Variants in ERI1 observed in about 807,000 individuals in gnomAD.
ERI1 encodes exoribonuclease 1.
A neutral mutation model predicts 39.7 loss-of-function variants in ERI1; 39 were observed. The observed-to-expected ratio is 0.98, with a 90% CI of 0.76 to 1.28. ERI1 has a LOEUF of 1.28. Among genes scored for constraint, ERI1 ranks in the 50% most tolerant of loss-of-function variants. ERI1 has a pLI of 0.00. For missense variants in ERI1, 581 were observed against 416.9 expected, an observed-to-expected ratio of 1.39 and a Z score of -3.43; for synonymous variants, 204 against 149.6, an observed-to-expected ratio of 1.36 and a Z score of -2.65.
At position 9,029,849 on chromosome 8, in the gene ERI1, G is replaced by T; in HGVS notation, c.865G>T (p.Asp289Tyr). 1 of 1,614,196 alleles carries T rather than the reference G, an allele frequency of 6.2e-7. No homozygotes were observed. Among genetic ancestry groups the T allele is most frequent in the Non-Finnish European group, 8.5e-7 (1 of 1,180,028 alleles). Residue 289 changes from aspartate to tyrosine, a missense_variant, in exon 7 of 7, where the codon GAT becomes TAT. Coordinates refer to ENST00000250263, the MANE Select transcript of ERI1 (RefSeq NM_153332.4). ...IMLEKLGMDYDGRPHCGLDDS... is the reference protein window; with the variant it reads ...IMLEKLGMDYYGRPHCGLDDS... ...GCTTGAAAAATTAGGAATGGATTAT[G>T]ATGGGCGGCCTCACTGTGGTCTTGA...
chr8:9,051,560 G>C (rs957701317), intron 3 of ERI1, among the ~76,000 whole-genome samples: 2 of 152,016 alleles, frequency 1.3e-5, no homozygotes, highest in African/African-American at 4.8e-5. Context: ...GGGAGGCTAA[G>C]GTGGAAGGAT....
intron 3 of ERI1, among the ~76,000 whole-genome samples, chr8:9,066,109 T>C (rs1177486715): frequency 1.3e-5 from 2 of 152,216 alleles, no homozygotes; most frequent in Non-Finnish European, 2.9e-5. Flanking sequence ...CCAGGGGCTC[T>C]AGCTTCTTCA....
chr8:9,045,999 A>C (rs973381862), intron 3 of ERI1, among the ~76,000 whole-genome samples: 2 of 152,128 alleles, frequency 1.3e-5, no homozygotes, highest in African/African-American at 2.4e-5. Context: ...ATGAATTTTT[A>C]ATACAGAGTC....
Position 9,010,056 on chromosome 8 carries a change from G to A in ERI1, c.288-1486G>A, listed in dbSNP as rs188134400. On this transcript the variant is annotated intron_variant, in intron 2 of 6. Transcript: ENST00000250263. ...GTAAAGAATGAATCGAAGTGTTGTG[G>A]TAATGGAGGCATTTGCCATGCTCAA... Among the ~76,000 whole-genome samples, 617 of 152,340 alleles carry A rather than the reference G, an allele frequency of 4.1e-3. 3 individuals carry two copies. Among genetic ancestry groups the A allele is most frequent in the African/African-American group, 0.013 (544 of 41,584 alleles).
At chr8:9,005,884 C>T (rs1815964189) in intron 1 of ERI1, among the ~76,000 whole-genome samples, 1 of 152,192 alleles carries the variant, frequency 6.6e-6, no homozygotes, top group South Asian at 2.1e-4. Flanking sequence ...AATGTAAAAG[C>T]TTCTCTTATT....
chr8:9,096,364 G>A (rs1799877356), intron 3 of ERI1, among the ~76,000 whole-genome samples: 1 of 152,164 alleles, frequency 6.6e-6, no homozygotes, highest in Non-Finnish European at 1.5e-5. Flanking sequence ...TCAAAACAAG[G>A]GGTGTCTGAG....
At chr8:9,089,648 G>GC (rs71537861) in intron 3 of ERI1, among the ~76,000 whole-genome samples, 5,790 of 152,232 alleles carry the variant, frequency 0.038, 130 homozygotes, top group Non-Finnish European at 0.055. Context: ...TCAAAGTCCT[G>GC]CCCGGAGCCC....
At chr8:9,088,288 G>A (rs1391644196) in intron 3 of ERI1, among the ~76,000 whole-genome samples, 1 of 151,692 alleles carries the variant, frequency 6.6e-6, no homozygotes, top group Non-Finnish European at 1.5e-5. Flanking sequence ...AAAAATTAAA[G>A]TGTTTTCTGA....
chr8:9,064,311 T>C (rs1798799696), intron 3 of ERI1, among the ~76,000 whole-genome samples: 1 of 151,746 alleles, frequency 6.6e-6, no homozygotes. Flanking sequence ...GTTGGGGGGT[T>C]CTTGCACCCC....
At chr8:9,073,194 G>A (rs1276955053) in intron 3 of ERI1, among the ~76,000 whole-genome samples, 3 of 152,190 alleles carry the variant, frequency 2.0e-5, no homozygotes, top group Non-Finnish European at 2.9e-5. Context: ...CCTTGATTTT[G>A]GAAGCGCAGT....
chr8:9,098,515 C>T (rs1043156036), intron 3 of ERI1, among the ~76,000 whole-genome samples: 8 of 152,080 alleles, frequency 5.3e-5, no homozygotes, highest in African/African-American at 1.9e-4. Flanking sequence ...AAGTGAGACT[C>T]CATCTCAACA....
At chr8:9,053,007 ATTTTTG>A (rs541367604) in intron 3 of ERI1, among the ~76,000 whole-genome samples, 150 of 152,046 alleles carry the variant, frequency 9.9e-4, no homozygotes, top group Middle Eastern at 3.4e-3. Flanking sequence ...TGATTTATTT[ATTTTTG>A]TTTTTGTTTT....
chr8:9,004,086 C>T (rs1218241191), intron 1 of ERI1: 4 of 1,289,162 alleles, frequency 3.1e-6, no homozygotes, highest in Non-Finnish European at 4.0e-6. Flanking sequence ...CCCCTCGCTG[C>T]CTTGTGTTCT....
chr8:9,095,480 C>CTTT (rs1239396169), intron 3 of ERI1, among the ~76,000 whole-genome samples: 45 of 140,962 alleles, frequency 3.2e-4, no homozygotes, highest in Admixed American at 1.2e-3. Context: ...TGGGACAGGT[C>CTTT]TTTTGTTGTT....
chr8:9,053,421 C>G (rs1026376720), intron 3 of ERI1, among the ~76,000 whole-genome samples: 3 of 152,184 alleles, frequency 2.0e-5, no homozygotes, highest in African/African-American at 7.2e-5. Context: ...TCATGATGTG[C>G]TGGGAGGATG....
chr8:9,025,540 A>G (rs529685167), intron 6 of ERI1, among the ~76,000 whole-genome samples: 13 of 152,326 alleles, frequency 8.5e-5, no homozygotes, highest in African/African-American at 2.9e-4. Flanking sequence ...TTGATTGAGA[A>G]CTTTTCCTTG....
intron 3 of ERI1, among the ~76,000 whole-genome samples, chr8:9,081,234 G>T (rs1265302689): frequency 1.3e-5 from 2 of 152,202 alleles, no homozygotes; most frequent in African/African-American, 4.8e-5. Flanking sequence ...GTTGACACAT[G>T]GGGATTACAA....
In ERI1 at chr8:9,011,595, A is replaced by C; in HGVS notation, c.341A>C (p.Lys114Thr). Residue 114 changes from lysine (K) to threonine (T), a missense_variant, in exon 3 of 7, where the codon AAG becomes ACG. By Grantham distance (78) the Lys-to-Thr change is moderately conservative. Transcript: ENST00000250263. ...CTGAAAAACTATTATAAGAAGCAGA[A>C]GCTGATGCTGAAAGAGAGCAATTTT... Reference protein sequence around the residue: ...KRLKNYYKKQKLMLKESNFAD... With the variant: ...KRLKNYYKKQTLMLKESNFAD... 1 of 1,613,554 alleles carries C rather than the reference A, an allele frequency of 6.2e-7. No individual in the cohort carries two copies. The highest frequency in any genetic ancestry group is 8.5e-7 in the Non-Finnish European group (1 of 1,179,656).
intron 3 of ERI1, among the ~76,000 whole-genome samples, chr8:9,067,874 T>G (rs1465631005): frequency 6.6e-6 from 1 of 151,944 alleles, no homozygotes; most frequent in Non-Finnish European, 1.5e-5. Flanking sequence ...TTCTTTCACA[T>G]TTTCTACAAT....
Sources: allele counts gnomAD v4.1 joint callset (sites outside exome capture counted in the v4.1 genomes callset), GRCh38; gene constraint gnomAD v4.1.1; transcripts MANE v1.5; gene names NCBI Gene and HGNC (gene_info 2026-07-23, HGNC 2026-07-21).